CSMD1: variants seen among roughly 807,000 people sequenced by gnomAD.
CSMD1 encodes CUB and Sushi multiple domains 1, also known as CUB and sushi domain-containing protein 1.
CSMD1 carries 213 observed loss-of-function variants against 417.5 expected under a neutral mutation model. The ratio of observed to expected loss-of-function variants is 0.51; its 90% CI spans 0.46 to 0.57. CSMD1 has a LOEUF of 0.57. Ranked by LOEUF, CSMD1 falls within the 20% of genes least tolerant of loss-of-function variation. The pLI is 0.00. For synonymous variants in CSMD1, 2,862 were observed against 1,736.8 expected (o/e 1.65, Z -16.11); for missense variants, 6,923 against 4,529.7 (o/e 1.53, Z -15.17).
intron 5 of CSMD1, among the ~76,000 whole-genome samples, chr8:3,806,994 A>G (rs1182831404): frequency 6.6e-6 from 1 of 152,184 alleles, no homozygotes; most frequent in Non-Finnish European, 1.5e-5. Flanking sequence ...TAGGTGCCAG[A>G]TAAAACTGGC....
At chr8:4,405,905 G>T (rs140558498) in intron 3 of CSMD1, among the ~76,000 whole-genome samples, 1 of 152,112 alleles carries the variant, frequency 6.6e-6, no homozygotes, top group South Asian at 2.1e-4. Flanking sequence ...CCTAATATTT[G>T]CTCCAAGGAG....
At chr8:4,533,346 T>A (rs1796936014) in intron 2 of CSMD1, among the ~76,000 whole-genome samples, 1 of 152,178 alleles carries the variant, frequency 6.6e-6, no homozygotes, top group Admixed American at 6.5e-5. Flanking sequence ...TAGAGTTAAT[T>A]CATTTGGAAA....
At chr8:3,154,806 G>T (rs570789828) in intron 39 of CSMD1, among the ~76,000 whole-genome samples, 1 of 152,134 alleles carries the variant, frequency 6.6e-6, no homozygotes, top group Non-Finnish European at 1.5e-5. Context: ...CTCTTCATTA[G>T]TACTTTTATT....
intron 4 of CSMD1, among the ~76,000 whole-genome samples, chr8:4,010,602 C>A (rs1161616210): frequency 6.6e-6 from 1 of 151,920 alleles, no homozygotes; most frequent in Non-Finnish European, 1.5e-5. Flanking sequence ...CATTCTGAGC[C>A]CAACTCTCCA....
At chr8:4,748,781 T>C (rs774670944) in intron 1 of CSMD1, among the ~76,000 whole-genome samples, 60 of 152,230 alleles carry the variant, frequency 3.9e-4, no homozygotes, top group Admixed American at 1.1e-3. Flanking sequence ...ATTGAATAGG[T>C]ATTTAGTAGC....
chr8:4,695,513 C>G (rs1478267), intron 1 of CSMD1, among the ~76,000 whole-genome samples: 113,977 of 152,102 alleles, frequency 0.75, 43,922 homozygotes, highest in African/African-American at 0.93. Context: ...ATAAGTTAAA[C>G]GATTTCATTT....
At chr8:4,907,843 G>A (rs535568253) in intron 1 of CSMD1, among the ~76,000 whole-genome samples, 4 of 151,896 alleles carry the variant, frequency 2.6e-5, no homozygotes, top group Admixed American at 2.6e-4. Context: ...TGGGATTACA[G>A]ACAATAGCCA....
chr8:4,710,694 A>C (rs1265413236), intron 1 of CSMD1, among the ~76,000 whole-genome samples: 1 of 151,650 alleles, frequency 6.6e-6, no homozygotes, highest in African/African-American at 2.4e-5. Flanking sequence ...AAATACAAAA[A>C]ATTAGCCCAG....
In CSMD1 at chr8:3,387,625, C is replaced by T. The variant is rs771698528; in HGVS notation, c.2651G>A (p.Arg884His). The T allele has an allele frequency of 2.5e-6, 4 of 1,600,268 alleles. No homozygotes were observed. The highest frequency in any genetic ancestry group is 1.7e-5 in the Admixed American group (1 of 58,236). Reference protein sequence around the residue: ...LDPGIPVNGHRHGGDFGIRST... With the variant: ...LDPGIPVNGHHHGGDFGIRST... ...CCTGATGCCAAAGTCTCCACCGTGG[C>T]GATGGCCGTTCACAGGGATGCCCGG... Residue 884 changes from arginine to histidine, a missense_variant, in exon 18 of 70, where the codon CGC becomes CAC. Transcript: ENST00000635120.
At chr8:3,417,187 A>G (rs564744285) in intron 12 of CSMD1, among the ~76,000 whole-genome samples, 8 of 152,314 alleles carry the variant, frequency 5.3e-5, no homozygotes, top group African/African-American at 1.9e-4. Flanking sequence ...AGATTCTTCA[A>G]GTTATCACAA....
At chr8:4,290,215 A>G in intron 3 of CSMD1, among the ~76,000 whole-genome samples, 1 of 151,934 alleles carries the variant, frequency 6.6e-6, no homozygotes, top group Non-Finnish European at 1.5e-5. Flanking sequence ...ACACACTTGT[A>G]TGTGTGTCTG....
chr8:3,384,673 T>C (rs905260832), intron 18 of CSMD1, among the ~76,000 whole-genome samples: 2 of 132,274 alleles, frequency 1.5e-5, no homozygotes, highest in African/African-American at 5.6e-5. Flanking sequence ...TAGATGCTAT[T>C]TATATATAAA....
At chr8:4,552,150 G>A (rs1474836265) in intron 2 of CSMD1, among the ~76,000 whole-genome samples, 1 of 152,070 alleles carries the variant, frequency 6.6e-6, no homozygotes, top group Non-Finnish European at 1.5e-5. Context: ...ACATGCATTG[G>A]GATTTTAAAC....
chr8:4,311,776 C>G (rs1285496656), intron 3 of CSMD1, among the ~76,000 whole-genome samples: 2 of 145,054 alleles, frequency 1.4e-5, no homozygotes, highest in Non-Finnish European at 3.0e-5. Context: ...TAGAGGGGAA[C>G]ACATAGAGGG....
chr8:4,005,112 T>G (rs9886397), intron 4 of CSMD1, among the ~76,000 whole-genome samples: 2 of 151,844 alleles, frequency 1.3e-5, no homozygotes, highest in African/African-American at 2.4e-5. Flanking sequence ...ATAGGAATGA[T>G]ATAATGGACT....
At chr8:4,386,017 T>C (rs1803424749) in intron 3 of CSMD1, among the ~76,000 whole-genome samples, 1 of 152,274 alleles carries the variant, frequency 6.6e-6, no homozygotes, top group East Asian at 1.9e-4. Flanking sequence ...TTTCCCTTTT[T>C]TTATCACTAC....
At position 3,754,060 on chromosome 8, in the gene CSMD1, G is replaced by C; in HGVS notation, c.819-18C>G. The C allele has an allele frequency of 6.4e-7, 1 of 1,552,224 alleles. No individual in the cohort carries two copies. The highest frequency in any genetic ancestry group is 2.2e-5 in the East Asian group (1 of 44,456). On this transcript the variant is annotated intron_variant, in intron 5 of 69. Coordinates refer to ENST00000635120, the MANE Select transcript of CSMD1 (RefSeq NM_033225.6). ...CAGTTAGCCTAGAGAAGAGAAAGAG[G>C]AAAAAAATCTCCCTTGTAAACCAAC...
intron 10 of CSMD1, among the ~76,000 whole-genome samples, chr8:3,523,588 C>G (rs1169801412): frequency 6.6e-6 from 1 of 152,192 alleles, no homozygotes; most frequent in East Asian, 1.9e-4. Flanking sequence ...TACACACAGA[C>G]ATATGCACAC....
chr8:4,096,327 C>A (rs1404900394), intron 3 of CSMD1, among the ~76,000 whole-genome samples: 1 of 152,064 alleles, frequency 6.6e-6, no homozygotes, highest in Non-Finnish European at 1.5e-5. Context: ...GAGGAAACAA[C>A]CCAGAAATAG....
Sources: gnomAD v4.1 joint callset for allele counts (sites outside exome capture counted in the v4.1 genomes callset) on GRCh38, gnomAD v4.1.1 for gene constraint, MANE v1.5 for transcripts, NCBI Gene and HGNC (gene_info 2026-07-23, HGNC 2026-07-21) for gene names.